Variants in NRF1 observed in about 807,000 individuals in gnomAD.
The protein encoded by NRF1 is nuclear respiratory factor 1.
In NRF1, 5 loss-of-function variants were observed where a neutral mutation model predicts 58.5. The observed-to-expected ratio is 0.09, with a 90% CI of 0.04 to 0.18. The LOEUF (loss-of-function observed/expected upper bound fraction) is 0.18. NRF1 is among the 10% of genes least tolerant of loss of function. The pLI, the probability that NRF1 is intolerant of heterozygous loss-of-function variation, is 1.00. For missense variants in NRF1, 288 were observed against 657.7 expected (o/e 0.44, Z 6.15); for synonymous variants, 224 against 246.7 (o/e 0.91, Z 0.86).
intron 1 of NRF1, among the ~76,000 whole-genome samples, chr7:129,613,597 G>A (rs1269927153): frequency 6.6e-6 from 1 of 151,872 alleles, no homozygotes; most frequent in African/African-American, 2.4e-5. Context: ...ACAATAATCA[G>A]ATTAAGAAAA....
chr7:129,662,964 G>A (rs955623931), intron 2 of NRF1, among the ~76,000 whole-genome samples: 1 of 152,134 alleles, frequency 6.6e-6, no homozygotes, highest in Non-Finnish European at 1.5e-5. Context: ...GACTCTTAAC[G>A]AGCATGCTGT....
chr7:129,651,493 G>A (rs914131662), intron 1 of NRF1, among the ~76,000 whole-genome samples: 1 of 151,952 alleles, frequency 6.6e-6, no homozygotes, highest in African/African-American at 2.4e-5. Flanking sequence ...TGAGGCTCTG[G>A]GCAGAAATGG....
In NRF1 at chr7:129,662,600, G is replaced by A. The variant is rs557627405; in HGVS notation, c.223+5026G>A. On this transcript the variant is annotated intron_variant, in intron 2 of 10. Transcript: ENST00000393232. ...TACTATTATATTTCAATGAATACTG[G>A]ATGCTGTGTTTGGAAAATTATTTCT... 2.1e-3 allele frequency among the ~76,000 whole-genome samples: 314 copies of A among 152,044 alleles called. 3 individuals are homozygous for A. Among genetic ancestry groups the A allele is most frequent in the African/African-American group, 6.8e-3 (283 of 41,462 alleles).
intron 1 of NRF1, among the ~76,000 whole-genome samples, chr7:129,626,999 G>A (rs1310920094): frequency 6.6e-6 from 1 of 152,210 alleles, no homozygotes; most frequent in Non-Finnish European, 1.5e-5. Flanking sequence ...AACTAGGTTA[G>A]TGTGGTTTCT....
chr7:129,690,598 G>A, intron 5 of NRF1, 52 bp downstream of exon 5: 1 of 1,598,946 alleles, frequency 6.3e-7, no homozygotes, highest in South Asian at 1.1e-5. Context: ...CACAGGTGTG[G>A]GCGGGCCTCT....
chr7:129,720,630 A>C (rs891700857), intron 9 of NRF1, among the ~76,000 whole-genome samples: 7 of 152,142 alleles, frequency 4.6e-5, no homozygotes, highest in African/African-American at 9.7e-5. Flanking sequence ...AGGGAGAGGA[A>C]GCTACGTGCA....
intron 10 of NRF1, among the ~76,000 whole-genome samples, chr7:129,748,323 GCAGATTTATAGA>G (rs1804031183): frequency 6.7e-6 from 1 of 149,042 alleles, no homozygotes; most frequent in Non-Finnish European, 1.5e-5. Flanking sequence ...ATGCAAGCAT[GCAGATTTATAGA>G]CAGAAAAGCA....
chr7:129,682,048 C>T (rs1252567880), intron 4 of NRF1, among the ~76,000 whole-genome samples: 4 of 150,728 alleles, frequency 2.7e-5, no homozygotes, highest in Admixed American at 1.3e-4. Context: ...TGCCACTGCA[C>T]TCCAGCCTGG....
At chr7:129,690,275 T>A (rs541992875) in intron 4 of NRF1, 131 bp from the exon 5 acceptor site, 1 of 780,612 alleles carries the variant, frequency 1.3e-6, no homozygotes, top group East Asian at 2.6e-5. Flanking sequence ...TTTATTTGCT[T>A]GTAGAAGTGT....
chr7:129,732,548 A>G (rs1803605526), intron 10 of NRF1, among the ~76,000 whole-genome samples: 1 of 152,124 alleles, frequency 6.6e-6, no homozygotes, highest in African/African-American at 2.4e-5. Flanking sequence ...GAGAGGATGT[A>G]GCATTTGCTG....
intron 2 of NRF1, among the ~76,000 whole-genome samples, chr7:129,662,152 A>G (rs1801798578): frequency 6.6e-6 from 1 of 151,792 alleles, no homozygotes; most frequent in Non-Finnish European, 1.5e-5. Flanking sequence ...TTCCTCCCAC[A>G]ACATGTGGGA....
intron 2 of NRF1, among the ~76,000 whole-genome samples, chr7:129,663,063 G>A (rs1801822895): frequency 6.6e-6 from 1 of 152,200 alleles, no homozygotes; most frequent in South Asian, 2.1e-4. Flanking sequence ...CAGAGAGCAT[G>A]GGGTTGGGGG....
At chr7:129,743,764 T>G (rs1455344447) in intron 10 of NRF1, among the ~76,000 whole-genome samples, 1 of 152,194 alleles carries the variant, frequency 6.6e-6, no homozygotes, top group Non-Finnish European at 1.5e-5. Flanking sequence ...CTTGGGCAAT[T>G]TCTCTGAGCG....
At chr7:129,739,185 T>G (rs1412629713) in intron 10 of NRF1, among the ~76,000 whole-genome samples, 1 of 152,218 alleles carries the variant, frequency 6.6e-6, no homozygotes, top group Non-Finnish European at 1.5e-5. Flanking sequence ...TAAATGCAAG[T>G]TGATTAAAAT....
At chr7:129,625,628 G>A (rs1435807483) in intron 1 of NRF1, among the ~76,000 whole-genome samples, 1 of 150,400 alleles carries the variant, frequency 6.6e-6, no homozygotes, top group Non-Finnish European at 1.5e-5. Context: ...AGCCTCCTGA[G>A]TAGCTGGGAC....
chr7:129,625,375 G>A (rs1296201115), intron 1 of NRF1, among the ~76,000 whole-genome samples: 1 of 152,184 alleles, frequency 6.6e-6, no homozygotes, highest in Non-Finnish European at 1.5e-5. Context: ...GGGAGCCACA[G>A]TCCAACCCAC....
chr7:129,632,512 C>G (rs184666159), intron 1 of NRF1, among the ~76,000 whole-genome samples: 104 of 152,036 alleles, frequency 6.8e-4, no homozygotes, highest in Non-Finnish European at 1.1e-3. Flanking sequence ...ATTGTTGAAG[C>G]TTATTGGGCA....
chr7:129,640,039 T>C (rs1442401178), intron 1 of NRF1, among the ~76,000 whole-genome samples: 1 of 152,216 alleles, frequency 6.6e-6, no homozygotes, highest in Non-Finnish European at 1.5e-5. Flanking sequence ...TTCCTGTGGC[T>C]GAGAATCATG....
chr7:129,728,785 T>C (rs944578447), intron 10 of NRF1, among the ~76,000 whole-genome samples: 4 of 152,200 alleles, frequency 2.6e-5, no homozygotes, highest in Non-Finnish European at 4.4e-5. Flanking sequence ...GCCAAACAAA[T>C]TCAATTCTAA....
Sources: gnomAD v4.1 joint callset for allele counts (sites outside exome capture counted in the v4.1 genomes callset) on GRCh38, gnomAD v4.1.1 for gene constraint, MANE v1.5 for transcripts, NCBI Gene and HGNC (gene_info 2026-07-23, HGNC 2026-07-21) for gene names.